ELFN1: variants seen among roughly 807,000 people sequenced by gnomAD.
The protein encoded by ELFN1 is extracellular leucine rich repeat and fibronectin type III domain containing 1.
A neutral mutation model predicts 7.6 loss-of-function variants in ELFN1; 6 were observed. That is an observed-to-expected ratio of 0.79 (90% CI 0.43 to 1.56). The LOEUF is 1.56. Ranked by LOEUF, ELFN1 falls within the 40% of genes most tolerant of loss-of-function variation. The probability of loss-of-function intolerance (pLI) is 0.01; values close to 1 mark genes in which losing one functional copy is unlikely to be tolerated. For missense variants in ELFN1, 1,169 were observed against 1,232.2 expected, an observed-to-expected ratio of 0.95 and a Z score of 0.77; for synonymous variants, 657 against 588.1, an observed-to-expected ratio of 1.12 and a Z score of -1.70.
intron 2 of ELFN1, 58 bp from the exon 3 acceptor site, chr7:1,709,032 CG>C (rs994278251): frequency 3.9e-5 from 6 of 152,338 alleles, no homozygotes; most frequent in African/African-American, 1.4e-4. Flanking sequence ...GCAGCTGAGA[CG>C]GCTGCAGGAG....
rs1020873395 is a variant in ELFN1, at chr7:1,747,660, G to A, written c.*577G>A. 4.4e-4 allele frequency: 72 copies of A among 164,442 alleles called. No individual in the cohort carries two copies. The highest frequency in any genetic ancestry group is 6.0e-4 in the Non-Finnish European group (41 of 68,096). The allele number at this position is 164,442 out of a possible 1,614,324, so 10.2% of individuals were successfully genotyped here. ...GCAGAGGGGCAGAGTGAATGCCGGC[G>A]GCCAAGTGGCCTCCGGGACAGGTCC... On this transcript the variant is annotated 3_prime_UTR_variant, in exon 4 of 4. Transcript: ENST00000424383.
At chr7:1,719,880 C>T (rs1233487875) in intron 3 of ELFN1, among the ~76,000 whole-genome samples, 1 of 146,842 alleles carries the variant, frequency 6.8e-6, no homozygotes, top group African/African-American at 2.5e-5. Context: ...GGCACTCAGG[C>T]AGGGGCCTCC....
Position 1,740,684 on chromosome 7 carries a change from G to A in ELFN1, c.-293-3620G>A, listed in dbSNP as rs929602332. ...GACTCCTGGACCCGGGCCACCCCCC[G>A]AACCCCTCCTAGCACAGCACCTGTC... is the stretch of plus-strand genomic sequence containing the variant. On this transcript the variant is annotated intron_variant, in intron 3 of 3. Coordinates refer to ENST00000424383, the MANE Select transcript of ELFN1 (RefSeq NM_001128636.4). The surrounding 1 kb of genome is among the most constrained non-coding windows in gnomAD (Gnocchi z 5.0). 2.6e-5 allele frequency among the ~76,000 whole-genome samples: 4 copies of A among 152,006 alleles called. No homozygotes were observed. The highest frequency in any genetic ancestry group is 7.3e-5 in the African/African-American group (3 of 41,374).
In ELFN1 at chr7:1,731,674, C is replaced by T. The variant is rs560732001; in HGVS notation, c.-293-12630C>T. Among the ~76,000 whole-genome samples, 20 of 152,310 alleles carry T rather than the reference C, an allele frequency of 1.3e-4. No individual in the cohort carries two copies. The East Asian group carries it at 3.1e-3, about 24-fold the overall frequency. ...TTATTTATTTATATATTTTTTGAGA[C>T]GGAGTCTCGCTCTGTCGCCCAGGCT... On this transcript the variant is annotated intron_variant, in intron 3 of 3. Coordinates refer to ENST00000424383, the MANE Select transcript of ELFN1 (RefSeq NM_001128636.4).
At chr7:1,701,135 ATGTG>A (rs371014728) in intron 2 of ELFN1, among the ~76,000 whole-genome samples, 1 of 151,108 alleles carries the variant, frequency 6.6e-6, no homozygotes, top group Non-Finnish European at 1.5e-5. Context: ...CTGTGTGTGC[ATGTG>A]TGTGTGTGGT....
At chr7:1,724,967 C>T (rs963916047) in intron 3 of ELFN1, among the ~76,000 whole-genome samples, 3 of 152,250 alleles carry the variant, frequency 2.0e-5, no homozygotes, top group African/African-American at 4.8e-5. Flanking sequence ...AGCCCCCTCC[C>T]CACCATGCCG....
rs964047812 is a variant in ELFN1, at chr7:1,747,277, G to A, written c.*194G>A. 8 of 515,732 alleles carry A rather than the reference G, an allele frequency of 1.6e-5. No homozygotes were observed. The highest frequency in any genetic ancestry group is 5.3e-4 in the Middle Eastern group (1 of 1,902). The allele number at this position is 515,732 out of a possible 1,614,324, so 31.9% of individuals were successfully genotyped here. On this transcript the variant is annotated 3_prime_UTR_variant, in exon 4 of 4. Coordinates refer to ENST00000424383, the MANE Select transcript of ELFN1 (RefSeq NM_001128636.4). The stretch of plus-strand genomic sequence containing the variant: ...GCTCCTGTGGCCGGTCCTGGGATGC[G>A]CTTGTCGCCCCGGGTGGCACGTGTC...
At chr7:1,711,849 G>C (rs1779666343) in intron 3 of ELFN1, among the ~76,000 whole-genome samples, 1 of 152,352 alleles carries the variant, frequency 6.6e-6, no homozygotes, top group Admixed American at 6.5e-5. Context: ...TGGGAAGACA[G>C]GGCAGTCTGG....
intron 3 of ELFN1, among the ~76,000 whole-genome samples, chr7:1,734,873 T>C (rs1780403260): frequency 1.3e-5 from 2 of 151,916 alleles, no homozygotes; most frequent in Admixed American, 1.3e-4. Context: ...AATTTTTTTA[T>C]TTTTTGTAAA....
chr7:1,724,617 C>G (rs1780129553), intron 3 of ELFN1, among the ~76,000 whole-genome samples: 1 of 152,196 alleles, frequency 6.6e-6, no homozygotes, highest in Non-Finnish European at 1.5e-5. Flanking sequence ...CCACCCGGAC[C>G]CCCTTTGGGG....
chr7:1,722,731 T>A (rs1192293069), intron 3 of ELFN1, among the ~76,000 whole-genome samples: 3 of 152,198 alleles, frequency 2.0e-5, no homozygotes, highest in South Asian at 2.1e-4. Context: ...ATTTAAGATG[T>A]CTCAAATATC....
upstream of ELFN1, among the ~76,000 whole-genome samples, chr7:1,667,602 G>T (rs931971478): frequency 1.3e-5 from 2 of 152,288 alleles, no homozygotes; most frequent in Non-Finnish European, 1.5e-5. This position sits in a 1 kb window ranked among gnomAD's most constrained non-coding sequence, Gnocchi z 8.2. Flanking sequence ...CTGGGGGACG[G>T]GGAATACGGA....
chr7:1,727,972 C>T lies in ELFN1; in HGVS notation c.-293-16332C>T, dbSNP rs575437582. Among the ~76,000 whole-genome samples, 73 of 152,288 alleles carry T rather than the reference C, an allele frequency of 4.8e-4. No individual in the cohort carries two copies. In the South Asian group the frequency reaches 0.015, roughly 31 times the overall value. ...GCCCAGGGAATGGGCCTTCTCTCCA[C>T]CCTGTGTGCAGGGGAGCGGTTTGAG... On this transcript the variant is annotated intron_variant, in intron 3 of 3. Coordinates refer to ENST00000424383, the MANE Select transcript of ELFN1 (RefSeq NM_001128636.4).
In ELFN1 at chr7:1,744,540, C is replaced by A. The variant is rs1562390226; in HGVS notation, c.-57C>A. The A allele has an allele frequency of 7.0e-7, 1 of 1,433,836 alleles. No homozygotes were observed. Among genetic ancestry groups the A allele is most frequent in the Non-Finnish European group, 9.1e-7 (1 of 1,098,886 alleles). The allele number at this position is 1,433,836 out of a possible 1,614,324, so 88.8% of individuals were successfully genotyped here. On this transcript the variant is annotated 5_prime_UTR_variant, in exon 4 of 4. Transcript: ENST00000424383. ...CATCCCTCTGGGGGCTGGCGCCTGG[C>A]CCCCCACCTGGTCCCCCTGGGCAGG...
chr7:1,691,304 G>A (rs1317049243), intron 2 of ELFN1, among the ~76,000 whole-genome samples: 1 of 152,186 alleles, frequency 6.6e-6, no homozygotes, highest in Non-Finnish European at 1.5e-5. Context: ...GGTTGATGCA[G>A]GGAGTCTGGG....
At chr7:1,702,689 C>T (rs1039342233) in intron 2 of ELFN1, among the ~76,000 whole-genome samples, 5 of 151,240 alleles carry the variant, frequency 3.3e-5, no homozygotes, top group Non-Finnish European at 7.3e-5. Flanking sequence ...GAATTTTATG[C>T]TAATATTTTA....
At chr7:1,677,130 C>T (rs2128574996) in intron 1 of ELFN1, among the ~76,000 whole-genome samples, 1 of 152,242 alleles carries the variant, frequency 6.6e-6, no homozygotes, top group East Asian at 1.9e-4. Flanking sequence ...AAGGCAAAAC[C>T]CATTTTCCTA....
intron 3 of ELFN1, among the ~76,000 whole-genome samples, chr7:1,729,291 C>G (rs1301461657): frequency 1.3e-5 from 2 of 152,250 alleles, no homozygotes; most frequent in African/African-American, 2.4e-5. Flanking sequence ...TGATCCTCCA[C>G]TGTCCCACAA....
At chr7:1,671,726 TG>T (rs1778771108) in intron 1 of ELFN1, among the ~76,000 whole-genome samples, 1 of 152,226 alleles carries the variant, frequency 6.6e-6, no homozygotes, top group Non-Finnish European at 1.5e-5. Flanking sequence ...TCCTGCCCCC[TG>T]GGTCCCTGCC....
Sources: allele counts gnomAD v4.1 joint callset (sites outside exome capture counted in the v4.1 genomes callset), GRCh38; gene constraint gnomAD v4.1.1; non-coding constraint Gnocchi (gnomAD v3.1); transcripts MANE v1.5; gene names NCBI Gene and HGNC (gene_info 2026-07-23, HGNC 2026-07-21).